The following GRAMD4 variants were observed in gnomAD, a reference collection of about 807,000 sequenced individuals.
GRAMD4 encodes the protein GRAM domain containing 4.
Under a neutral mutation model 83.9 loss-of-function variants are expected in GRAMD4, and 25 were observed. That is an observed-to-expected ratio of 0.30 (90% CI 0.22 to 0.42). The LOEUF (loss-of-function observed/expected upper bound fraction) is 0.42. Among genes scored for constraint, GRAMD4 ranks in the 10% least tolerant of loss-of-function variants. The probability of loss-of-function intolerance (pLI) is 1.00; values close to 1 mark genes in which losing one functional copy is unlikely to be tolerated. For synonymous variants in GRAMD4, 336 were observed against 320.9 expected (o/e 1.05, Z -0.50); for missense variants, 593 against 788.7 (o/e 0.75, Z 2.97).
chr22:46,589,789 T>C (rs1287674566), intron 1 of GRAMD4, among the ~76,000 whole-genome samples: 1 of 152,166 alleles, frequency 6.6e-6, no homozygotes, highest in Non-Finnish European at 1.5e-5. Flanking sequence ...ACCCACCTGC[T>C]TTGTGTGCAC....
At chr22:46,629,697 G>C in intron 2 of GRAMD4, among the ~76,000 whole-genome samples, 1 of 152,210 alleles carries the variant, frequency 6.6e-6, no homozygotes, top group East Asian at 1.9e-4. Flanking sequence ...CTAAAAGTGT[G>C]CGACTCAGGG....
At chr22:46,635,463 C>T (rs13054909) in intron 2 of GRAMD4, among the ~76,000 whole-genome samples, 53 of 91,060 alleles carry the variant, frequency 5.8e-4, no homozygotes, top group Middle Eastern at 7.4e-3. Context: ...AGGCCGTGTC[C>T]TCCCTGCCCC....
intron 1 of GRAMD4, among the ~76,000 whole-genome samples, chr22:46,605,227 G>A (rs1302632407): frequency 6.6e-6 from 1 of 152,250 alleles, no homozygotes; most frequent in African/African-American, 2.4e-5. Context: ...GTTCACCCAG[G>A]TTTTGGTGCC....
At chr22:46,657,805 G>A (rs1053389130) in intron 3 of GRAMD4, among the ~76,000 whole-genome samples, 1 of 152,230 alleles carries the variant, frequency 6.6e-6, no homozygotes, top group African/African-American at 2.4e-5. Flanking sequence ...GGTGGGTGTG[G>A]TGGGCTGGCC....
intron 3 of GRAMD4, among the ~76,000 whole-genome samples, chr22:46,643,172 C>CCTGG (rs2082010133): frequency 1.3e-5 from 2 of 149,382 alleles, no homozygotes; most frequent in Non-Finnish European, 3.0e-5. Context: ...TCCATCCATC[C>CCTGG]ATCCATCCAT....
At chr22:46,661,161 G>A (rs1383391536) in intron 4 of GRAMD4, among the ~76,000 whole-genome samples, 1 of 152,046 alleles carries the variant, frequency 6.6e-6, no homozygotes, top group Non-Finnish European at 1.5e-5. Flanking sequence ...AAAGATGCTG[G>A]TTGTTTAAAA....
At chr22:46,642,481 T>A (rs889885121) in intron 3 of GRAMD4, among the ~76,000 whole-genome samples, 2 of 152,246 alleles carry the variant, frequency 1.3e-5, no homozygotes, top group African/African-American at 4.8e-5. Context: ...AAATCTTGGT[T>A]CTCAGTGAAC....
intron 5 of GRAMD4, 45 bp downstream of exon 5, chr22:46,661,487 G>A (rs1403247727): frequency 9.2e-6 from 12 of 1,300,048 alleles, no homozygotes; most frequent in Non-Finnish European, 1.3e-5. Flanking sequence ...GCGGGTGGGT[G>A]GCTGCGCGTC....
At chr22:46,643,900 GT>G (rs2082026989) in intron 3 of GRAMD4, among the ~76,000 whole-genome samples, 1 of 152,064 alleles carries the variant, frequency 6.6e-6, no homozygotes, top group Non-Finnish European at 1.5e-5. Context: ...ATCTAAAATC[GT>G]TTCCATGGTT....
At chr22:46,596,843 G>T (rs1460168179) in intron 1 of GRAMD4, among the ~76,000 whole-genome samples, 1 of 152,192 alleles carries the variant, frequency 6.6e-6, no homozygotes, top group Non-Finnish European at 1.5e-5. Context: ...GAGCCACCAT[G>T]CCTGGCCCAG....
At chr22:46,658,935 C>A (rs1340501652) in intron 4 of GRAMD4, among the ~76,000 whole-genome samples, 2 of 152,108 alleles carry the variant, frequency 1.3e-5, no homozygotes, top group East Asian at 3.9e-4. Context: ...TGAGTGCTCA[C>A]AGTCTCCTCC....
chr22:46,587,542 G>C (rs1014132656), intron 1 of GRAMD4, among the ~76,000 whole-genome samples: 1 of 151,828 alleles, frequency 6.6e-6, no homozygotes, highest in Non-Finnish European at 1.5e-5. Flanking sequence ...TCTGACAAAG[G>C]CTTGAGGGGG....
chr22:46,583,666 C>G lies in GRAMD4; in HGVS notation c.-50+6376C>G, dbSNP rs564711915. 7.6e-4 allele frequency among the ~76,000 whole-genome samples: 116 copies of G among 152,370 alleles called. 1 individual carries two copies. In the South Asian group the frequency reaches 0.023, roughly 30 times the overall value. On this transcript the variant is annotated intron_variant, in intron 1 of 1. Transcript: ENST00000431155. ...TTTGGATGTATTTCTCATGGTGCGA[C>G]TGGGGCCCTGGCTTAGCGGGAGGAA...
intron 2 of GRAMD4, among the ~76,000 whole-genome samples, chr22:46,627,498 G>GGGGAGCCAGGC (rs2081684496): frequency 1.3e-5 from 2 of 152,356 alleles, no homozygotes; most frequent in East Asian, 1.9e-4. Flanking sequence ...GGAGCCAGGT[G>GGGGAGCCAGGC]GGGAGCCAGG....
Position 46,613,977 on chromosome 22 carries a change from G to A in GRAMD4, c.-49-12774G>A, listed in dbSNP as rs551428099. Among the ~76,000 whole-genome samples, 8 of 152,350 alleles carry A rather than the reference G, an allele frequency of 5.3e-5. No individual in the cohort carries two copies. In the South Asian group the frequency reaches 6.2e-4, roughly 12 times the overall value. On this transcript the variant is annotated intron_variant, in intron 1 of 1. Transcript: ENST00000431155. ...GTGCCCTCATGGCCGTCATGGCCGCGGCTGCAGCAGTGTGAGGAGGGATCT... is the reference window on the plus strand; with the variant it reads ...GTGCCCTCATGGCCGTCATGGCCGCAGCTGCAGCAGTGTGAGGAGGGATCT...
In GRAMD4 at chr22:46,626,927, C is replaced by G; in HGVS notation, c.128C>G (p.Thr43Ser). Residue 43 changes from threonine (T) to serine (S), a missense_variant, in exon 2 of 19, where the codon ACC becomes AGC. Physicochemically the swap from Thr to Ser is moderately conservative, Grantham distance 58. This residue lies in a region of GRAMD4 where 312 missense variants were observed against 350.7 expected (regional missense o/e 0.89). Coordinates refer to ENST00000406902, the MANE Select transcript of GRAMD4 (RefSeq NM_015124.5). ...SDEIPLKVPRTSPRDSEELRD... is the reference protein window; with the variant it reads ...SDEIPLKVPRSSPRDSEELRD... Reference sequence around the variant, plus strand: ...GAAATCCCCCTGAAGGTACCGCGGACCTCGCCCCGGGACAGCGAGGAGCTG... The same window carrying G: ...GAAATCCCCCTGAAGGTACCGCGGAGCTCGCCCCGGGACAGCGAGGAGCTG... The G allele has an allele frequency of 6.2e-7, 1 of 1,614,132 alleles. No homozygotes were observed. The highest frequency in any genetic ancestry group is 1.3e-5 in the African/African-American group (1 of 75,052).
chr22:46,630,922 C>T (rs1763205893), intron 2 of GRAMD4, among the ~76,000 whole-genome samples: 1 of 149,030 alleles, frequency 6.7e-6, no homozygotes, highest in Non-Finnish European at 1.5e-5. Flanking sequence ...CCATAGCTCC[C>T]TCGAGGGCCG....
chr22:46,649,652 G>C (rs1417151601), intron 3 of GRAMD4, among the ~76,000 whole-genome samples: 3 of 152,238 alleles, frequency 2.0e-5, no homozygotes, highest in South Asian at 2.1e-4. Context: ...TGACGCACTT[G>C]GAAGCTTGCT....
chr22:46,577,183 C>T (rs1462329564), exon 1 of GRAMD4: 4 of 676,546 alleles, frequency 5.9e-6, no homozygotes, highest in Admixed American at 1.3e-4. Flanking sequence ...TCCCGGCTCC[C>T]CGGCGCCGCT....
Sources: gnomAD v4.1 joint callset for allele counts (sites outside exome capture counted in the v4.1 genomes callset) on GRCh38, gnomAD v4.1.1 for gene constraint, gnomAD v4.1.1 regional missense constraint, MANE v1.5 for transcripts, NCBI Gene and HGNC (gene_info 2026-07-23, HGNC 2026-07-21) for gene names.